HIVEP3: variants seen among roughly 807,000 people sequenced by gnomAD.
HIVEP3 encodes HIVEP zinc finger 3, also known as transcription factor HIVEP3.
A neutral mutation model predicts 152.8 loss-of-function variants in HIVEP3; 49 were observed. The observed-to-expected ratio is 0.32, with a 90% CI of 0.26 to 0.41. HIVEP3 has a LOEUF of 0.41. HIVEP3 is among the 10% of genes least tolerant of loss of function. The pLI, the probability that HIVEP3 is intolerant of heterozygous loss-of-function variation, is 1.00. For synonymous variants in HIVEP3, 1,269 were observed against 1,289.0 expected, an observed-to-expected ratio of 0.98 and a Z score of 0.33; for missense variants, 2,790 against 3,103.3, an observed-to-expected ratio of 0.90 and a Z score of 2.40.
At chr1:41,747,840 C>T (rs1330468856) in intron 1 of HIVEP3, among the ~76,000 whole-genome samples, 1 of 152,136 alleles carries the variant, frequency 6.6e-6, no homozygotes, top group African/African-American at 2.4e-5. Flanking sequence ...AAAATAGTGT[C>T]TTTCTGGGGT....
At chr1:41,833,612 A>G (rs138752106) in intron 1 of HIVEP3, among the ~76,000 whole-genome samples, 2 of 152,162 alleles carry the variant, frequency 1.3e-5, no homozygotes, top group African/African-American at 4.8e-5. Flanking sequence ...TGTAATTACC[A>G]TTATAAAAGC....
Position 41,582,076 on chromosome 1 carries a change from A to C in HIVEP3, c.2722T>G (p.Leu908Val). ...GATTGGGCCATCTCTGCCAGGCGCA[A>C]CCTCTTCTTTTTGGGTGGCAGCTTC... ...AEKLPPKKKR[L>V]RLAEMAQSSG... is the part of the protein sequence containing the mutation. The change falls in exon 4 of 9, where the codon TTG (leucine) becomes GTG (valine). Residue 908 changes from leucine (L) to valine (V), a missense_variant. Leu to Val is a conservative substitution (Grantham distance 32, BLOSUM62 1). Transcript: ENST00000372583. The surrounding 1 kb of genome is among the most constrained non-coding windows in gnomAD (Gnocchi z 4.7). The C allele has an allele frequency of 6.2e-7, 1 of 1,613,964 alleles. No individual in the cohort carries two copies. The highest frequency in any genetic ancestry group is 8.5e-7 in the Non-Finnish European group (1 of 1,179,998).
At chr1:41,571,285 A>G (rs1644248776) in intron 5 of HIVEP3, among the ~76,000 whole-genome samples, 1 of 152,224 alleles carries the variant, frequency 6.6e-6, no homozygotes, top group Non-Finnish European at 1.5e-5. Flanking sequence ...CCTTGCAATA[A>G]GTGAACTTGA....
intron 1 of HIVEP3, among the ~76,000 whole-genome samples, chr1:41,815,757 T>C (rs1570596401): frequency 6.6e-6 from 1 of 151,710 alleles, no homozygotes; most frequent in Non-Finnish European, 1.5e-5. Flanking sequence ...TTTATTGTTT[T>C]TTTTTTTTTT....
At chr1:41,978,475 A>G (rs1645274195) in intron 1 of HIVEP3, among the ~76,000 whole-genome samples, 2 of 152,174 alleles carry the variant, frequency 1.3e-5, no homozygotes, top group Non-Finnish European at 2.9e-5. Context: ...CCACAGGAGG[A>G]CACAGGAGGC....
intron 3 of HIVEP3, among the ~76,000 whole-genome samples, chr1:41,589,187 C>T (rs555156892): frequency 6.6e-6 from 1 of 152,288 alleles, no homozygotes; most frequent in African/African-American, 2.4e-5. Flanking sequence ...GAGAAATGGG[C>T]CCAGGAGCTG....
At chr1:41,883,901 G>C (rs1290410580) in intron 1 of HIVEP3, among the ~76,000 whole-genome samples, 1 of 151,912 alleles carries the variant, frequency 6.6e-6, no homozygotes, top group Non-Finnish European at 1.5e-5. Flanking sequence ...AAGGAATTAA[G>C]AAAAAAATGG....
At chr1:41,840,936 C>G (rs1342180742) in intron 1 of HIVEP3, among the ~76,000 whole-genome samples, 1 of 152,212 alleles carries the variant, frequency 6.6e-6, no homozygotes, top group Non-Finnish European at 1.5e-5. Flanking sequence ...CCCAGGCCAT[C>G]CAGTCAGTGG....
chr1:41,932,651 G>A (rs1033806636), intron 1 of HIVEP3, among the ~76,000 whole-genome samples: 3 of 151,586 alleles, frequency 2.0e-5, no homozygotes, highest in Non-Finnish European at 4.4e-5. Flanking sequence ...TATCCAAATT[G>A]CTTTTTTGTT....
At chr1:41,925,147 A>G (rs146375640) in intron 1 of HIVEP3, among the ~76,000 whole-genome samples, 247 of 152,350 alleles carry the variant, frequency 1.6e-3, no homozygotes, top group African/African-American at 5.7e-3. Context: ...AAACAAAACA[A>G]AACAAACAAA....
At chr1:41,522,739 G>A (rs1475093190) in intron 6 of HIVEP3, among the ~76,000 whole-genome samples, 1 of 152,256 alleles carries the variant, frequency 6.6e-6, no homozygotes, top group Non-Finnish European at 1.5e-5. Context: ...GGGACCCAAG[G>A]CAAAGGGAAT....
In HIVEP3 at chr1:42,000,104, T is replaced by C. The variant is rs553557530; in HGVS notation, n.119+35703A>G. Among the ~76,000 whole-genome samples the C allele has an allele frequency of 3.9e-5, 6 of 152,348 alleles. No individual in the cohort carries two copies. The East Asian group carries it at 1.2e-3, about 29-fold the overall frequency. ...CTAAAGCTGGACCTAGGTACTCAAA[T>C]GATCTGGTTGTGTTTCTGTTTCCAC... On this transcript the variant is annotated intron_variant and non_coding_transcript_variant, in intron 1 of 3. Transcript: ENST00000489103.
At chr1:41,972,847 T>C (rs1023990510) in intron 1 of HIVEP3, among the ~76,000 whole-genome samples, 1 of 152,214 alleles carries the variant, frequency 6.6e-6, no homozygotes, top group Non-Finnish European at 1.5e-5. Flanking sequence ...TTAAGCACTT[T>C]TTCTCTGAGT....
rs748776038 is a variant in HIVEP3, at chr1:41,579,758, G to A, written c.5040C>T (p.Ser1680=). Residue 1680 remains serine (S), a synonymous_variant, in exon 4 of 9, where the codon TCC becomes TCT. Coordinates refer to ENST00000372583, the MANE Select transcript of HIVEP3 (RefSeq NM_024503.5). ...PEAGRLVPSS[S]RKPRMTEVHL... ...TTACCTCTGTCATGCGGGGCTTGCG[G>A]GAGCTGGATGGCACAAGCCTTCCTG... is the stretch of plus-strand genomic sequence containing the variant. The A allele has an allele frequency of 6.3e-6, 10 of 1,585,886 alleles. No homozygotes were observed. Among genetic ancestry groups the A allele is most frequent in the Non-Finnish European group, 7.8e-6 (9 of 1,161,208 alleles).
intron 1 of HIVEP3, among the ~76,000 whole-genome samples, chr1:42,008,443 A>G (rs1308421724): frequency 1.3e-5 from 2 of 152,216 alleles, no homozygotes; most frequent in African/African-American, 4.8e-5. Flanking sequence ...CTGTAATGGA[A>G]TCACTTTCTC....
chr1:41,639,065 G>A (rs1051060470), intron 2 of HIVEP3, among the ~76,000 whole-genome samples: 7 of 152,352 alleles, frequency 4.6e-5, no homozygotes, highest in East Asian at 1.9e-4. Flanking sequence ...TGAACGGAAC[G>A]TCTGCAGAAG....
chr1:41,837,371 G>A (rs1208464002), intron 1 of HIVEP3, among the ~76,000 whole-genome samples: 2 of 151,984 alleles, frequency 1.3e-5, no homozygotes, highest in Non-Finnish European at 2.9e-5. Context: ...TTGTTGCCCA[G>A]GCTTGAGTGC....
At chr1:41,616,786 T>C (rs2149137463) in intron 3 of HIVEP3, among the ~76,000 whole-genome samples, 1 of 152,284 alleles carries the variant, frequency 6.6e-6, no homozygotes, top group African/African-American at 2.4e-5. Flanking sequence ...TATCATCCTA[T>C]GTACATTCCT....
chr1:41,735,446 G>A (rs1237525143), intron 1 of HIVEP3, among the ~76,000 whole-genome samples: 1 of 152,162 alleles, frequency 6.6e-6, no homozygotes, highest in Non-Finnish European at 1.5e-5. Flanking sequence ...TTGTCTGTGG[G>A]GAAAATGAGC....
Sources: gnomAD v4.1 joint callset for allele counts (sites outside exome capture counted in the v4.1 genomes callset) on GRCh38, gnomAD v4.1.1 for gene constraint, Gnocchi (gnomAD v3.1) non-coding constraint, MANE v1.5 for transcripts, NCBI Gene and HGNC (gene_info 2026-07-23, HGNC 2026-07-21) for gene names.